THSD7B: variants seen among roughly 807,000 people sequenced by gnomAD.
THSD7B encodes thrombospondin type-1 domain-containing protein 7B.
A neutral mutation model predicts 213.6 loss-of-function variants in THSD7B; 138 were observed. That is an observed-to-expected ratio of 0.65 (90% CI 0.56 to 0.74). The LOEUF is 0.74. Ranked by LOEUF, THSD7B falls within the 30% of genes least tolerant of loss-of-function variation. The pLI is 0.00. For synonymous variants in THSD7B, 742 were observed against 687.0 expected, an observed-to-expected ratio of 1.08 and a Z score of -1.25; for missense variants, 1,931 against 1,991.5, an observed-to-expected ratio of 0.97 and a Z score of 0.58.
intron 17 of THSD7B, among the ~76,000 whole-genome samples, chr2:137,597,930 A>G (rs1168561457): frequency 6.6e-6 from 1 of 152,152 alleles, no homozygotes; most frequent in South Asian, 2.1e-4. Context: ...GTTAGTTAGT[A>G]AATATTTCTC....
rs1687186132 is a variant in THSD7B at position 137,057,206 on chromosome 2, G to A, written c.926G>A (p.Ser309Asn). ...ACCCGGCAGGTTTCGTGTACAAGAA[G>A]TGATGGACAAAATGCTATGTTAAGG... ...YQTRQVSCTR[S>N]DGQNAMLSLC... The change falls in exon 3 of 28, where the codon AGT (serine) becomes AAT (asparagine). Residue 309 changes from serine (S) to asparagine (N), a missense_variant. Ser to Asn is a conservative substitution (Grantham distance 46, BLOSUM62 1). Coordinates refer to ENST00000409968, the MANE Select transcript of THSD7B (RefSeq NM_001316349.2). 4 of 1,612,990 alleles carry A rather than the reference G, an allele frequency of 2.5e-6. No homozygotes were observed. The East Asian group carries it at 8.9e-5, about 36-fold the overall frequency.
chr2:137,606,229 GA>G (rs1233610786), intron 17 of THSD7B, among the ~76,000 whole-genome samples: 2 of 151,854 alleles, frequency 1.3e-5, no homozygotes, highest in East Asian at 2.0e-4. Flanking sequence ...GAGGAAAGAG[GA>G]AAAAAAATGA....
At chr2:136,878,963 T>C (rs1437862830) in intron 1 of THSD7B, among the ~76,000 whole-genome samples, 1 of 152,214 alleles carries the variant, frequency 6.6e-6, no homozygotes, top group Non-Finnish European at 1.5e-5. Flanking sequence ...GCCATTACTT[T>C]TGGTGTTTTA....
chr2:137,070,097 C>T (rs1349959306), intron 3 of THSD7B, among the ~76,000 whole-genome samples: 1 of 151,750 alleles, frequency 6.6e-6, no homozygotes, highest in African/African-American at 2.4e-5. Flanking sequence ...TCACTAATCC[C>T]ATGTCCTCTA....
At chr2:137,221,901 G>A (rs1427564499) in intron 7 of THSD7B, among the ~76,000 whole-genome samples, 1 of 152,162 alleles carries the variant, frequency 6.6e-6, no homozygotes, top group Admixed American at 6.5e-5. Context: ...ACTTTGTAAA[G>A]GTATACCTCA....
chr2:136,832,914 C>T (rs989318151), intron 1 of THSD7B, among the ~76,000 whole-genome samples: 32 of 152,174 alleles, frequency 2.1e-4, no homozygotes, highest in African/African-American at 7.7e-4. Flanking sequence ...TTATCTCACT[C>T]TTACGTTTGC....
At chr2:137,070,023 T>G (rs1168957005) in intron 3 of THSD7B, among the ~76,000 whole-genome samples, 1 of 151,760 alleles carries the variant, frequency 6.6e-6, no homozygotes, top group African/African-American at 2.4e-5. Context: ...TTTAATTTTA[T>G]TTTTGTACAT....
intron 16 of THSD7B, among the ~76,000 whole-genome samples, chr2:137,565,689 T>C (rs914908731): frequency 2.0e-5 from 3 of 152,138 alleles, no homozygotes; most frequent in South Asian, 2.1e-4. Flanking sequence ...GGTGGAAGCT[T>C]CTGGCGAGGG....
chr2:137,024,398 T>C (rs1425908016), intron 2 of THSD7B, among the ~76,000 whole-genome samples: 1 of 152,158 alleles, frequency 6.6e-6, no homozygotes, highest in Non-Finnish European at 1.5e-5. Flanking sequence ...GGGTGGGGTT[T>C]AGTATCATTA....
intron 1 of THSD7B, among the ~76,000 whole-genome samples, chr2:136,854,240 A>G (rs773668988): frequency 1.3e-5 from 2 of 151,448 alleles, no homozygotes; most frequent in Non-Finnish European, 2.9e-5. Context: ...ACACACTTAC[A>G]TATGTGCATA....
chr2:137,125,985 A>G (rs531969680), intron 5 of THSD7B, among the ~76,000 whole-genome samples: 1 of 152,334 alleles, frequency 6.6e-6, no homozygotes, highest in East Asian at 1.9e-4. Context: ...GTAGGCCTCA[A>G]CAGTGGGCTT....
At chr2:137,593,862 C>A (rs1049699490) in intron 17 of THSD7B, among the ~76,000 whole-genome samples, 4 of 151,894 alleles carry the variant, frequency 2.6e-5, no homozygotes, top group African/African-American at 9.7e-5. Flanking sequence ...GCCACAGAAG[C>A]ATTTTTTTCA....
intron 12 of THSD7B, among the ~76,000 whole-genome samples, chr2:137,285,474 T>G (rs1356403939): frequency 1.3e-5 from 2 of 152,118 alleles, no homozygotes; most frequent in Admixed American, 1.3e-4. Flanking sequence ...GCTCATTAGT[T>G]GATGCAGTTT....
rs530025737 is a variant in THSD7B, at chr2:137,232,079, GA to G, written c.1916-813del. Reference sequence around the variant, plus strand: ...TTATATTTCTGGAAGGAGTGAATGGGAAAAAAATCAAGAATAACAAAACCAA... The same window carrying G: ...TTATATTTCTGGAAGGAGTGAATGGGAAAAAATCAAGAATAACAAAACCAA... On this transcript the variant is annotated intron_variant, in intron 8 of 27. Transcript: ENST00000409968. 7.2e-5 allele frequency among the ~76,000 whole-genome samples: 11 copies of G among 152,156 alleles called. No individual in the cohort carries two copies. The East Asian group carries it at 1.2e-3, about 16-fold the overall frequency.
chr2:137,498,559 G>A (rs1447894563), intron 15 of THSD7B, among the ~76,000 whole-genome samples: 1 of 151,950 alleles, frequency 6.6e-6, no homozygotes, highest in Non-Finnish European at 1.5e-5. Context: ...TACTGGCCAG[G>A]GAACCATCTT....
chr2:136,996,295 C>G (rs1178750751), intron 2 of THSD7B, among the ~76,000 whole-genome samples: 1 of 151,894 alleles, frequency 6.6e-6, no homozygotes, highest in Non-Finnish European at 1.5e-5. Context: ...AGACTGGTCT[C>G]TCTCTCTGTC....
intron 22 of THSD7B, among the ~76,000 whole-genome samples, chr2:137,655,926 TGTA>T (rs1484935133): frequency 6.6e-6 from 1 of 152,190 alleles, no homozygotes; most frequent in Non-Finnish European, 1.5e-5. Context: ...ACTTGGGGTA[TGTA>T]GTCTAGCCCC....
chr2:137,223,620 A>G (rs1236831395), intron 7 of THSD7B, among the ~76,000 whole-genome samples: 1 of 152,138 alleles, frequency 6.6e-6, no homozygotes, highest in East Asian at 1.9e-4. Context: ...TTTTCCCTGC[A>G]TTTTAGTTAT....
chr2:136,783,644 G>A (rs1681786055), intron 1 of THSD7B, among the ~76,000 whole-genome samples: 1 of 152,110 alleles, frequency 6.6e-6, no homozygotes, highest in South Asian at 2.1e-4. Context: ...GCTTCTCCTG[G>A]CCTCCCACCC....
Sources: allele counts gnomAD v4.1 joint callset (sites outside exome capture counted in the v4.1 genomes callset), GRCh38; gene constraint gnomAD v4.1.1; transcripts MANE v1.5; gene names NCBI Gene and HGNC (gene_info 2026-07-23, HGNC 2026-07-21).